OGA: variants seen among roughly 807,000 people sequenced by gnomAD.
OGA encodes protein O-GlcNAcase.
In OGA, 21 loss-of-function variants were observed where a neutral mutation model predicts 102.0. The observed-to-expected ratio is 0.21, with a 90% CI of 0.15 to 0.30. OGA has a LOEUF of 0.30. OGA is among the 10% of genes least tolerant of loss of function. OGA has a pLI of 1.00. For synonymous variants in OGA, 408 were observed against 378.2 expected, an observed-to-expected ratio of 1.08 and a Z score of -0.91; for missense variants, 765 against 1,107.8, an observed-to-expected ratio of 0.69 and a Z score of 4.39.
At chr10:101,802,893 C>T (rs1050260344) in intron 7 of OGA, among the ~76,000 whole-genome samples, 8 of 150,312 alleles carry the variant, frequency 5.3e-5, no homozygotes, top group African/African-American at 1.7e-4. Context: ...AATCCCAGCA[C>T]TCTGGGAGGC....
At chr10:101,811,406 G>GAAAAAAAAAAAAAAAAAA (rs67433227) in intron 3 of OGA, among the ~76,000 whole-genome samples, 1 of 45,686 alleles carries the variant, frequency 2.2e-5, no homozygotes, top group Non-Finnish European at 3.7e-5. Flanking sequence ...GAAAAAAAAT[G>GAAAAAAAAAAAAAAAAAA]AAAAAAAAAA....
rs755094011 is a variant in OGA at position 101,793,868 on chromosome 10, T to A, written c.2070+45A>T. The A allele has an allele frequency of 2.9e-5, 42 of 1,451,560 alleles. No homozygotes were observed. In the South Asian group the frequency reaches 4.7e-4, roughly 16 times the overall value. The allele number at this position is 1,451,560 out of a possible 1,614,324, so 89.9% of individuals were successfully genotyped here. A position where few individuals can be genotyped will look rare whatever the true frequency, so the allele number is the denominator to read the frequency against. ...CTGATGCGCAACATAAGGTTTCTCA[T>A]AAAACAAAGAAAATGTCAATTCAGT... On this transcript the variant is annotated intron_variant, in intron 11 of 15. Transcript: ENST00000361464.
chr10:101,806,486 A>G (rs534493061), intron 5 of OGA, among the ~76,000 whole-genome samples: 4 of 152,304 alleles, frequency 2.6e-5, no homozygotes, highest in Admixed American at 2.6e-4. Flanking sequence ...TGGGTTTTTG[A>G]ATGTGGAAAA....
At chr10:101,792,029 T>C (rs1206161997) in intron 12 of OGA, among the ~76,000 whole-genome samples, 1 of 151,618 alleles carries the variant, frequency 6.6e-6, no homozygotes, top group East Asian at 1.9e-4. Flanking sequence ...TATTTTTTTT[T>C]TTTTTTGAGA....
chr10:101,803,597 T>A (rs557237974), intron 7 of OGA, 138 bp downstream of exon 7: 1 of 919,966 alleles, frequency 1.1e-6, no homozygotes, highest in Admixed American at 2.9e-5. Context: ...TGTTTCCTCC[T>A]TAGTAAAACA....
chr10:101,814,578 A>C (rs2065598157), intron 1 of OGA, among the ~76,000 whole-genome samples: 1 of 152,150 alleles, frequency 6.6e-6, no homozygotes, highest in South Asian at 2.1e-4. Context: ...TGACAGAGCA[A>C]AACTCTCTCT....
At chr10:101,796,908 C>T (rs1034207090) in intron 10 of OGA, 2 of 151,990 alleles carry the variant, frequency 1.3e-5, no homozygotes, top group South Asian at 2.1e-4. Flanking sequence ...AGCCTTTTAA[C>T]ATGAGGTCAA....
At chr10:101,789,533 T>C (rs2065231780) in intron 14 of OGA, among the ~76,000 whole-genome samples, 2 of 151,624 alleles carry the variant, frequency 1.3e-5, no homozygotes, top group Admixed American at 6.6e-5. Flanking sequence ...AGACTATGAA[T>C]ACTTTGGTGT....
chr10:101,811,708 G>A (rs1213900022), intron 3 of OGA, among the ~76,000 whole-genome samples: 1 of 151,894 alleles, frequency 6.6e-6, no homozygotes, highest in Non-Finnish European at 1.5e-5. Context: ...AAAAGAAAAA[G>A]AAAAAGAACC....
At chr10:101,806,253 A>C (rs2065472035) in intron 5 of OGA, 110 bp from the exon 6 acceptor site, 3 of 634,468 alleles carry the variant, frequency 4.7e-6, no homozygotes, top group African/African-American at 3.7e-5. Context: ...CCCAGGCTAG[A>C]GTGCAGTGGC....
chr10:101,813,169 T>G, intron 2 of OGA, 42 bp from the exon 3 acceptor site: 1 of 1,265,452 alleles, frequency 7.9e-7, no homozygotes, highest in Non-Finnish European at 1.1e-6. Context: ...ACAGGCAACA[T>G]TCATAGGCTG....
intron 5 of OGA, 129 bp from the exon 6 acceptor site, chr10:101,806,272 G>A (rs189781971): frequency 1.3e-5 from 7 of 548,444 alleles, no homozygotes; most frequent in East Asian, 3.4e-5. Context: ...GCACGATCTC[G>A]GCTCACTGCA....
intron 14 of OGA, among the ~76,000 whole-genome samples, chr10:101,788,687 A>G (rs1247121432): frequency 6.6e-6 from 1 of 151,726 alleles, no homozygotes; most frequent in Non-Finnish European, 1.5e-5. Flanking sequence ...GTGAGCCGAG[A>G]TCGCACCATT....
At position 101,799,358 on chromosome 10, in the gene OGA, T is replaced by C. The variant is rs749603295; in HGVS notation, c.1293A>G (p.Thr431=). Residue 431 remains threonine (T), a synonymous_variant, in exon 9 of 16, where the codon ACA becomes ACG. Coordinates refer to ENST00000361464, the MANE Select transcript of OGA (RefSeq NM_012215.5). ...PSLNATTVVT[T]VYQEPIMSQG... is the part of the protein sequence containing the mutation. ...GGCTCATAATGGGCTCCTGATAAAC[T>C]GTTGTTACTACGGTTGTGGCATTTA... 1 of 1,614,206 alleles carries C rather than the reference T, an allele frequency of 6.2e-7. No individual in the cohort carries two copies. The highest frequency in any genetic ancestry group is 2.2e-5 in the East Asian group (1 of 44,888).
intron 15 of OGA, among the ~76,000 whole-genome samples, chr10:101,787,098 T>C (rs535096095): frequency 6.7e-6 from 1 of 150,094 alleles, no homozygotes; most frequent in South Asian, 2.1e-4. Context: ...CTCAGGCTGG[T>C]CTCAAACTCC....
At chr10:101,812,412 A>T (rs1257373675) in intron 3 of OGA, among the ~76,000 whole-genome samples, 1 of 152,024 alleles carries the variant, frequency 6.6e-6, no homozygotes, top group Non-Finnish European at 1.5e-5. Flanking sequence ...TGTCTCAAAA[A>T]ACAAAACAAA....
chr10:101,793,189 TAAAAAC>T (rs554456813), intron 11 of OGA, among the ~76,000 whole-genome samples: 146 of 152,164 alleles, frequency 9.6e-4, no homozygotes, highest in East Asian at 5.0e-3. Flanking sequence ...AAATTTACAG[TAAAAAC>T]AAAAACAAAA....
chr10:101,798,229 G>A, intron 9 of OGA, 75 bp from the exon 10 acceptor site: 1 of 1,410,216 alleles, frequency 7.1e-7, no homozygotes, highest in Non-Finnish European at 9.8e-7. Flanking sequence ...TACACATTAA[G>A]CTGCTTATGT....
At chr10:101,813,884 TATC>T (rs1407077753) in intron 1 of OGA, among the ~76,000 whole-genome samples, 2 of 152,226 alleles carry the variant, frequency 1.3e-5, no homozygotes, top group Non-Finnish European at 2.9e-5. Flanking sequence ...AACAAACATC[TATC>T]ATCTTTCCAC....
Sources: allele counts gnomAD v4.1 joint callset (sites outside exome capture counted in the v4.1 genomes callset), GRCh38; gene constraint gnomAD v4.1.1; transcripts MANE v1.5; gene names NCBI Gene and HGNC (gene_info 2026-07-23, HGNC 2026-07-21).